CCDC88A: variants seen among roughly 807,000 people sequenced by gnomAD.
The protein encoded by CCDC88A is coiled-coil and HOOK domain protein 88A, also known as girdin.
CCDC88A carries 54 observed loss-of-function variants against 234.3 expected under a neutral mutation model. The observed-to-expected ratio is 0.23, with a 90% CI of 0.19 to 0.29. The LOEUF is 0.29. Among genes scored for constraint, CCDC88A ranks in the 10% least tolerant of loss-of-function variants. CCDC88A has a pLI of 1.00. For missense variants in CCDC88A, 1,832 were observed against 2,123.4 expected, an observed-to-expected ratio of 0.86 and a Z score of 2.70; for synonymous variants, 753 against 737.8, an observed-to-expected ratio of 1.02 and a Z score of -0.33.
At chr2:55,306,822 C>T (rs568315401) in intron 25 of CCDC88A, among the ~76,000 whole-genome samples, 5 of 152,086 alleles carry the variant, frequency 3.3e-5, no homozygotes, top group Admixed American at 6.5e-5. Flanking sequence ...GTGATCTGCC[C>T]GCCTCAGCCT....
rs78999892 is a variant in CCDC88A, at chr2:55,342,362, A to G, written c.1333+1286T>C. On this transcript the variant is annotated intron_variant, in intron 12 of 32. Transcript: ENST00000436346. ...CAGCTAAGATCAATTACAAAACAAC[A>G]GTGACATAATAATAATGATATTTAA... Among the ~76,000 whole-genome samples the G allele has an allele frequency of 2.9e-3, 448 of 152,306 alleles. 3 individuals carry two copies. Among genetic ancestry groups the G allele is most frequent in the African/African-American group, 9.1e-3 (378 of 41,572 alleles).
chr2:55,323,767 A>C (rs993721145), intron 17 of CCDC88A: 1 of 152,246 alleles, frequency 6.6e-6, no homozygotes, highest in Non-Finnish European at 1.5e-5. Context: ...GCTGGAGTGC[A>C]GTGATGCGAT....
At chr2:55,409,866 G>A (rs896304413) in intron 2 of CCDC88A, among the ~76,000 whole-genome samples, 1 of 150,044 alleles carries the variant, frequency 6.7e-6, no homozygotes, top group South Asian at 2.1e-4. Context: ...TCAGCCTCCC[G>A]AGTAGCTGGG....
chr2:55,399,219 G>A (rs2867181), intron 2 of CCDC88A, among the ~76,000 whole-genome samples: 76,687 of 151,854 alleles, frequency 0.51, 21,448 homozygotes, highest in Admixed American at 0.63. Flanking sequence ...CTAAATAACA[G>A]AAGAAATTGC....
chr2:55,353,058 C>T (rs536321137), intron 8 of CCDC88A, among the ~76,000 whole-genome samples: 2 of 152,146 alleles, frequency 1.3e-5, no homozygotes, highest in East Asian at 3.9e-4. Flanking sequence ...AGCTAGTTAC[C>T]GGGAATACTA....
intron 17 of CCDC88A, among the ~76,000 whole-genome samples, chr2:55,326,434 T>C (rs1558672116): frequency 1.3e-5 from 2 of 152,230 alleles, no homozygotes; most frequent in African/African-American, 4.8e-5. Context: ...TATTTAACTT[T>C]CACAGTCTAC....
intron 5 of CCDC88A, among the ~76,000 whole-genome samples, chr2:55,368,853 T>C (rs1672393834): frequency 6.6e-6 from 1 of 152,210 alleles, no homozygotes; most frequent in South Asian, 2.1e-4. Flanking sequence ...TTTTACAAAA[T>C]ATTCCAACAA....
At chr2:55,356,964 GCA>G (rs1244977655) in intron 7 of CCDC88A, among the ~76,000 whole-genome samples, 1 of 152,060 alleles carries the variant, frequency 6.6e-6, no homozygotes, top group Non-Finnish European at 1.5e-5. Context: ...CATTTCAAGT[GCA>G]CACAGTCATT....
chr2:55,299,217 A>G (rs2104564485), intron 29 of CCDC88A, among the ~76,000 whole-genome samples: 1 of 152,270 alleles, frequency 6.6e-6, no homozygotes, highest in Non-Finnish European at 1.5e-5. Flanking sequence ...ACAAACAAAC[A>G]AACAACTTCC....
rs550527349 is a variant in CCDC88A at position 55,344,798 on chromosome 2, C to T, written c.1042-284G>A. 1.4e-4 allele frequency among the ~76,000 whole-genome samples: 21 copies of T among 152,214 alleles called. No individual in the cohort carries two copies. In the Middle Eastern group the frequency reaches 0.01, roughly 74 times the overall value. On this transcript the variant is annotated intron_variant, in intron 10 of 32. Transcript: ENST00000436346. ...ACAAGGATAAGGAATTAACTAAGTACAAGGAGTCTTCCAGATATTTAAGAT... is the reference window on the plus strand; with the variant it reads ...ACAAGGATAAGGAATTAACTAAGTATAAGGAGTCTTCCAGATATTTAAGAT...
intron 3 of CCDC88A, among the ~76,000 whole-genome samples, chr2:55,377,619 A>T (rs1489112535): frequency 6.6e-6 from 1 of 151,724 alleles, no homozygotes; most frequent in Non-Finnish European, 1.5e-5. Flanking sequence ...ATTTTTATTT[A>T]TTTATTTAGA....
At chr2:55,319,362 A>G (rs1157008675) in intron 18 of CCDC88A, among the ~76,000 whole-genome samples, 1 of 152,212 alleles carries the variant, frequency 6.6e-6, no homozygotes, top group Non-Finnish European at 1.5e-5. Flanking sequence ...CAGAATGCCC[A>G]GAATAAATGG....
chr2:55,295,839 G>A lies in CCDC88A; in HGVS notation c.5309C>T (p.Ala1770Val), dbSNP rs368195213. 61 of 1,613,828 alleles carry A rather than the reference G, an allele frequency of 3.8e-5. No individual in the cohort carries two copies. The highest frequency in any genetic ancestry group is 6.7e-5 in the African/African-American group (5 of 74,858). Reference sequence around the variant, plus strand: ...TTGAGTGCCTGGTGTAGGTTTTCCCGCAGAACTAATGAAGTAGGTATCTTC... The same window carrying A: ...TTGAGTGCCTGGTGTAGGTTTTCCCACAGAACTAATGAAGTAGGTATCTTC... ...KTEDTYFISS[A>V]GKPTPGTQGK... Residue 1770 changes from alanine to valine, a missense_variant, in exon 31 of 33, where the codon GCG becomes GTG. Physicochemically the swap from Ala to Val is moderately conservative, Grantham distance 64. This residue lies in a region of CCDC88A where 422 missense variants were observed against 416.5 expected (regional missense o/e 1.01). Coordinates refer to ENST00000436346, the MANE Select transcript of CCDC88A (RefSeq NM_001365480.1).
intron 3 of CCDC88A, among the ~76,000 whole-genome samples, chr2:55,386,222 CA>C (rs11333871): frequency 0.95 from 137,604 of 145,428 alleles, 65,242 homozygotes; most frequent in African/African-American, 0.98. Context: ...AACTCCGTCT[CA>C]AAAAAAAAAA....
At chr2:55,295,177 T>C (rs774936077) in intron 31 of CCDC88A, 9 of 1,310,440 alleles carry the variant, frequency 6.9e-6, no homozygotes, top group East Asian at 5.5e-5. Context: ...TTGCTATTTA[T>C]AGAAAACTGT....
intron 3 of CCDC88A, among the ~76,000 whole-genome samples, chr2:55,379,945 C>T (rs1288334370): frequency 2.0e-5 from 3 of 148,836 alleles, no homozygotes; most frequent in African/African-American, 7.4e-5. Flanking sequence ...AAGCAGAGGC[C>T]ATGTGCAGTG....
intron 3 of CCDC88A, among the ~76,000 whole-genome samples, chr2:55,378,688 T>C (rs1309838229): frequency 2.0e-5 from 3 of 152,168 alleles, no homozygotes; most frequent in Admixed American, 6.5e-5. Flanking sequence ...TTCTAAAATG[T>C]CTTATTGGTT....
intron 7 of CCDC88A, among the ~76,000 whole-genome samples, chr2:55,361,178 T>C (rs1671258311): frequency 6.6e-6 from 1 of 152,180 alleles, no homozygotes; most frequent in Non-Finnish European, 1.5e-5. Flanking sequence ...GGATACCTTA[T>C]TGTAATATCT....
At chr2:55,349,202 GCA>G (rs1669561884) in intron 9 of CCDC88A, 6 of 254,668 alleles carry the variant, frequency 2.4e-5, no homozygotes, top group Admixed American at 2.2e-4. Flanking sequence ...CACATAAAGA[GCA>G]CAGTTTACAG....
Sources: allele counts gnomAD v4.1 joint callset (sites outside exome capture counted in the v4.1 genomes callset), GRCh38; gene constraint gnomAD v4.1.1; regional missense constraint gnomAD v4.1.1; transcripts MANE v1.5; gene names NCBI Gene and HGNC (gene_info 2026-07-23, HGNC 2026-07-21).